The following VWDE variants were observed in gnomAD, a reference collection of about 807,000 sequenced individuals.
VWDE encodes von Willebrand factor D and EGF domain-containing protein.
In VWDE, 207 loss-of-function variants were observed where a neutral mutation model predicts 178.4. That is an observed-to-expected ratio of 1.16 (90% CI 1.04 to 1.30). VWDE has a LOEUF of 1.30. Ranked by LOEUF, VWDE falls within the 50% of genes most tolerant of loss-of-function variation. The probability of loss-of-function intolerance (pLI) is 0.00; values close to 1 mark genes in which losing one functional copy is unlikely to be tolerated. For synonymous variants in VWDE, 738 were observed against 651.4 expected, an observed-to-expected ratio of 1.13 and a Z score of -2.02; for missense variants, 2,287 against 1,901.3, an observed-to-expected ratio of 1.20 and a Z score of -3.77.
chr7:12,355,232 T>C (rs1470331281), intron 18 of VWDE, among the ~76,000 whole-genome samples: 1 of 151,984 alleles, frequency 6.6e-6, no homozygotes, highest in Non-Finnish European at 1.5e-5. Context: ...CTGGCCAACA[T>C]GGTGAAACCC....
chr7:12,372,489 C>T (rs1401720586), intron 10 of VWDE, among the ~76,000 whole-genome samples: 1 of 151,932 alleles, frequency 6.6e-6, no homozygotes, highest in African/African-American at 2.4e-5. Context: ...AGTTTACTCA[C>T]AGATATGAAG....
Position 12,373,057 on chromosome 7 carries a change from G to A in VWDE, c.1507C>T (p.Gln503Ter), listed in dbSNP as rs1783299036. The A allele has an allele frequency of 2.6e-6, 4 of 1,551,216 alleles. No individual in the cohort carries two copies. In the East Asian group the frequency reaches 7.3e-5, roughly 28 times the overall value. ...DMCNGQLRES[Q>*]PYLFIKSQDV... ...TGGCTTTTTATGAACAAATATGGTT[G>A]TGATTCACGTAGCTGACCATTGCAC... Residue 503 changes from glutamine to a stop codon, truncating the protein, a stop_gained, in exon 10 of 29, where the codon CAA becomes TAA. Transcript: ENST00000275358. LOFTEE classifies it high-confidence loss of function.
intron 13 of VWDE, among the ~76,000 whole-genome samples, chr7:12,365,063 T>C (rs995240261): frequency 2.0e-5 from 3 of 151,964 alleles, no homozygotes; most frequent in Non-Finnish European, 2.9e-5. Context: ...TGAAGAAAGA[T>C]GGAGCACCGT....
At chr7:12,334,785 C>A (rs73290486) in intron 27 of VWDE, among the ~76,000 whole-genome samples, 2,369 of 152,294 alleles carry the variant, frequency 0.016, 53 homozygotes, top group African/African-American at 0.054. Context: ...CATTAATATG[C>A]TTTTAACATC....
intron 13 of VWDE, among the ~76,000 whole-genome samples, chr7:12,362,252 T>A (rs1006018109): frequency 1.3e-5 from 2 of 149,774 alleles, no homozygotes; most frequent in African/African-American, 4.9e-5. Flanking sequence ...CACATAAAAA[T>A]GCACACATAC....
intron 24 of VWDE, among the ~76,000 whole-genome samples, 179 bp from the exon 25 acceptor site, chr7:12,337,451 A>G (rs1583271183): frequency 6.6e-6 from 1 of 152,198 alleles, no homozygotes; most frequent in African/African-American, 2.4e-5. Context: ...TTATACCTAT[A>G]AGCTACTAGT....
rs1480287857 is a variant in VWDE at position 12,349,091 on chromosome 7, G to C, written c.3886+2482C>G. On this transcript the variant is annotated intron_variant, in intron 19 of 28. Coordinates refer to ENST00000275358, the MANE Select transcript of VWDE (RefSeq NM_001135924.3). ...GGGCCTGTTGTGCGGTGCGGGGAGA[G>C]GGGAGGGATAGCATTGGGAGATATA... 5.9e-5 allele frequency among the ~76,000 whole-genome samples: 9 copies of C among 152,254 alleles called. No homozygotes were observed. In the East Asian group the frequency reaches 9.7e-4, roughly 16 times the overall value.
At position 12,380,618 on chromosome 7, in the gene VWDE, GT is replaced by G. The variant is rs907015274; in HGVS notation, c.656del (p.Asn219ThrfsTer7). The G allele has an allele frequency of 1.9e-6, 3 of 1,552,280 alleles. No homozygotes were observed. The highest frequency in any genetic ancestry group is 2.6e-6 in the Non-Finnish European group (3 of 1,147,124). ...RCSFDVPATK[N>X]SVGFHIAWSR... ...ACCAAGCTATGTGAAATCCCACTGA[GT>G]TTTTTGTAGCGGGAACATCAAAAGA... On this transcript the variant is annotated frameshift_variant, in exon 5 of 29. Coordinates refer to ENST00000275358, the MANE Select transcript of VWDE (RefSeq NM_001135924.3). LOFTEE classifies it high-confidence loss of function.
Position 12,342,077 on chromosome 7 carries a change from C to T in VWDE, c.4252G>A (p.Gly1418Arg), listed in dbSNP as rs1781362679. ...DICQCKPGWY[G>R]PTCSTALCDP... ...ATTTTACCTGTACTACAGGTGGGTC[C>T]ATACCAGCCAGGTTTGCACTGGCAA... The change falls in exon 23 of 29, where the codon GGA becomes AGA. Residue 1418 changes from glycine (G) to arginine (R), a missense_variant. Transcript: ENST00000275358. The T allele has an allele frequency of 6.4e-7, 1 of 1,551,174 alleles. No homozygotes were observed. Among genetic ancestry groups the T allele is most frequent in the Non-Finnish European group, 8.7e-7 (1 of 1,146,770 alleles).
chr7:12,355,454 A>G (rs1411075595), intron 18 of VWDE, among the ~76,000 whole-genome samples: 2 of 151,900 alleles, frequency 1.3e-5, no homozygotes, highest in African/African-American at 2.4e-5. Context: ...TAGAAGACAC[A>G]TAAATATTCT....
chr7:12,369,709 A>T lies in VWDE; in HGVS notation c.2597T>A (p.Ile866Asn). ...TGTGTTATATTTCCCCTCCTCCACA[A>T]TCCTCTTTTCACATTCATTTTCTAA... The part of the protein sequence containing the change: ...ALLENECEKR[I>N]VEEGKYNTEE... The change falls in exon 12 of 29, where the codon ATT becomes AAT. Residue 866 changes from isoleucine (I) to asparagine (N), a missense_variant. Ile to Asn is a moderately radical substitution (Grantham distance 149). Transcript: ENST00000275358. 1 of 1,551,394 alleles carries T rather than the reference A, an allele frequency of 6.4e-7. No individual in the cohort carries two copies. Among genetic ancestry groups the T allele is most frequent in the South Asian group, 1.2e-5 (1 of 84,042 alleles).
chr7:12,389,949 GGT>G (rs1309820411), intron 2 of VWDE, among the ~76,000 whole-genome samples: 1 of 152,156 alleles, frequency 6.6e-6, no homozygotes, highest in Non-Finnish European at 1.5e-5. Context: ...GATTGCCTGA[GGT>G]CAGGAGATCG....
chr7:12,398,344 C>T (rs1006056235), intron 1 of VWDE, among the ~76,000 whole-genome samples: 1 of 152,120 alleles, frequency 6.6e-6, no homozygotes, highest in South Asian at 2.1e-4. Context: ...ACCATCAGGC[C>T]TCCCAGATGG....
Position 12,340,313 on chromosome 7 carries a change from A to G in VWDE, c.4366+9T>C, listed in dbSNP as rs1161859298. On this transcript the variant is annotated intron_variant, in intron 24 of 28. Coordinates refer to ENST00000275358, the MANE Select transcript of VWDE (RefSeq NM_001135924.3). Reference sequence around the variant, plus strand: ...TTGCCCTTTTTACATACAAAGAAAGAATAATTACCATTCTGACAGTGTTCC... The same window carrying G: ...TTGCCCTTTTTACATACAAAGAAAGGATAATTACCATTCTGACAGTGTTCC... 1.3e-6 allele frequency: 2 copies of G among 1,545,686 alleles called. No individual in the cohort carries two copies. The highest frequency in any genetic ancestry group is 3.9e-5 in the Admixed American group (2 of 50,684).
chr7:12,347,597 G>A (rs1306840679), intron 19 of VWDE, among the ~76,000 whole-genome samples: 6 of 151,606 alleles, frequency 4.0e-5, no homozygotes, highest in African/African-American at 1.2e-4. Flanking sequence ...CAACATATAA[G>A]GGACTTTAAA....
intron 19 of VWDE, among the ~76,000 whole-genome samples, chr7:12,346,622 C>T (rs1201537972): frequency 2.9e-5 from 4 of 136,596 alleles, no homozygotes; most frequent in East Asian, 2.1e-4. Context: ...TTGGCGGGGG[C>T]GGGGGGGATC....
At chr7:12,342,719 A>T (rs2128546993) in intron 22 of VWDE, among the ~76,000 whole-genome samples, 1 of 151,644 alleles carries the variant, frequency 6.6e-6, no homozygotes, top group South Asian at 2.1e-4. Flanking sequence ...TTTAGGGTAC[A>T]TGTGCACAAT....
At chr7:12,350,910 C>T (rs965797248) in intron 19 of VWDE, among the ~76,000 whole-genome samples, 3 of 152,008 alleles carry the variant, frequency 2.0e-5, no homozygotes, top group African/African-American at 7.2e-5. Context: ...ACAAAACCCC[C>T]TATTTGCAAA....
intron 1 of VWDE, among the ~76,000 whole-genome samples, chr7:12,400,410 G>A (rs983072169): frequency 6.6e-6 from 1 of 152,028 alleles, no homozygotes; most frequent in Non-Finnish European, 1.5e-5. Flanking sequence ...CCTTATTAAG[G>A]AATACTATGA....
Sources: gnomAD v4.1 joint callset for allele counts (sites outside exome capture counted in the v4.1 genomes callset) on GRCh38, gnomAD v4.1.1 for gene constraint, MANE v1.5 for transcripts, NCBI Gene and HGNC (gene_info 2026-07-23, HGNC 2026-07-21) for gene names.